KMO: variants seen among roughly 807,000 people sequenced by gnomAD.
The protein encoded by KMO is kynurenine 3-hydroxylase.
A neutral mutation model predicts 57.8 loss-of-function variants in KMO; 24 were observed. That is an observed-to-expected ratio of 0.42 (90% CI 0.30 to 0.58). The LOEUF is 0.58. Ranked by LOEUF, KMO falls within the 20% of genes least tolerant of loss-of-function variation. The pLI is 0.22. For missense variants in KMO, 483 were observed against 588.2 expected (o/e 0.82, Z 1.85); for synonymous variants, 210 against 193.6 (o/e 1.08, Z -0.70).
chr1:241,534,123 T>C (rs540685689), intron 1 of KMO, among the ~76,000 whole-genome samples: 2 of 152,306 alleles, frequency 1.3e-5, no homozygotes, highest in South Asian at 4.1e-4. Context: ...GGGAAACTAT[T>C]GGAGGATTTT....
Position 241,546,751 on chromosome 1 carries a change from T to C in KMO, c.55-2078T>C, listed in dbSNP as rs188017167. Among the ~76,000 whole-genome samples the C allele has an allele frequency of 5.3e-5, 8 of 152,330 alleles. No homozygotes were observed. The East Asian group carries it at 1.5e-3, about 29-fold the overall frequency. On this transcript the variant is annotated intron_variant, in intron 1 of 14. Coordinates refer to ENST00000366559, the MANE Select transcript of KMO (RefSeq NM_003679.5). ...ATCGCAAGTTTCAATTCGGATCTGTTGATTTTGAGGTGCTTTGAGACATAC... is the reference window on the plus strand; with the variant it reads ...ATCGCAAGTTTCAATTCGGATCTGTCGATTTTGAGGTGCTTTGAGACATAC...
In KMO at chr1:241,592,796, A is replaced by ATCTATCTATCTCTCTC. The variant is rs1428611949; in HGVS notation, c.*646_*647insATCTATCTCTCTCTCT. 4 of 150,710 alleles carry ATCTATCTATCTCTCTC rather than the reference A, an allele frequency of 2.7e-5. No homozygotes were observed. Among genetic ancestry groups the ATCTATCTATCTCTCTC allele is most frequent in the African/African-American group, 1.0e-4 (4 of 40,106 alleles). 9.3% of individuals were successfully genotyped at this position (150,710 alleles called of 1,614,324 possible). On this transcript the variant is annotated 3_prime_UTR_variant, in exon 15 of 15. Coordinates refer to ENST00000366559, the MANE Select transcript of KMO (RefSeq NM_003679.5). ...TATCTATCTATCTATCTATCTATCT[A>ATCTATCTATCTCTCTC]TCTCTATTTATTTATGTATTTAGAG...
In KMO at chr1:241,532,380, G is replaced by A. The variant is rs1401278738; in HGVS notation, c.-65G>A. 1 of 1,610,300 alleles carries A rather than the reference G, an allele frequency of 6.2e-7. No homozygotes were observed. Among genetic ancestry groups the A allele is most frequent in the African/African-American group, 1.3e-5 (1 of 74,764 alleles). On this transcript the variant is annotated 5_prime_UTR_variant, in exon 1 of 15. Transcript: ENST00000366559. ...AACTCAGAGAAATCAGTGTGTAGGA[G>A]ACACAGAAATCAGTGTCACTCAGTG...
At chr1:241,554,270 CCTTCCTTCCTT>C (rs1553347345) in intron 4 of KMO, among the ~76,000 whole-genome samples, 1 of 150,582 alleles carries the variant, frequency 6.6e-6, no homozygotes, top group Non-Finnish European at 1.5e-5. Flanking sequence ...TTCCTTCCTT[CCTTCCTTCCTT>C]CCTCCCTTCT....
intron 7 of KMO, among the ~76,000 whole-genome samples, chr1:241,564,134 T>A (rs1429108848): frequency 6.6e-6 from 1 of 152,188 alleles, no homozygotes; most frequent in Non-Finnish European, 1.5e-5. Flanking sequence ...CAAATAACTA[T>A]GATACAGTGT....
At chr1:241,571,708 C>T (rs1662285386) in intron 10 of KMO, among the ~76,000 whole-genome samples, 2 of 151,894 alleles carry the variant, frequency 1.3e-5, no homozygotes, top group Non-Finnish European at 2.9e-5. Context: ...ATAATCTTTG[C>T]ATCTATGTTT....
chr1:241,586,667 T>C lies in KMO; in HGVS notation c.958-12T>C. 1 of 1,561,126 alleles carries C rather than the reference T, an allele frequency of 6.4e-7. No individual in the cohort carries two copies. The highest frequency in any genetic ancestry group is 1.9e-5 in the Admixed American group (1 of 53,808). On this transcript the variant is annotated splice_polypyrimidine_tract_variant and intron_variant, in intron 10 of 14. Transcript: ENST00000366559. ...TCTAGTTTCTTATTTCTCTTTTTTT[T>C]TCTTGTTTCAGGGCTTTGAAGACTG...
chr1:241,536,407 CA>C, intron 1 of KMO: 1 of 522,330 alleles, frequency 1.9e-6, no homozygotes, highest in Non-Finnish European at 2.5e-6. Context: ...CCTTAATCCA[CA>C]TCTGAATTCA....
At chr1:241,566,680 A>C in intron 9 of KMO, 68 bp downstream of exon 9, 1 of 1,555,216 alleles carries the variant, frequency 6.4e-7, no homozygotes, top group Non-Finnish European at 8.8e-7. Context: ...AAGGTTATGC[A>C]CCTGATTTCA....
At chr1:241,556,948 C>T (rs1661651549) in intron 5 of KMO, among the ~76,000 whole-genome samples, 1 of 151,792 alleles carries the variant, frequency 6.6e-6, no homozygotes, top group Non-Finnish European at 1.5e-5. Flanking sequence ...GATGAAAAGC[C>T]ATAGTGTGAA....
intron 10 of KMO, among the ~76,000 whole-genome samples, chr1:241,584,431 G>T (rs890386068): frequency 7.9e-5 from 12 of 152,210 alleles, no homozygotes; most frequent in African/African-American, 2.7e-4. Flanking sequence ...CATTGTGGAA[G>T]ACAGTGTGGC....
At position 241,548,903 on chromosome 1, in the gene KMO, G is replaced by A. The variant is rs768192954; in HGVS notation, c.124+5G>A. The A allele has an allele frequency of 5.8e-5, 92 of 1,596,760 alleles. 1 individual carries two copies. Among genetic ancestry groups the A allele is most frequent in the Middle Eastern group, 3.3e-4 (2 of 6,036 alleles). The stretch of plus-strand genomic sequence containing the variant: ...ATGTATATGAAGCTAGGGAAGGTAC[G>A]TCCATGGTGAAAAAAGCAGGATGAA... On this transcript the variant is annotated splice_donor_5th_base_variant and intron_variant, in intron 2 of 14. Transcript: ENST00000366559.
At position 241,590,273 on chromosome 1, in the gene KMO, G is replaced by C. The variant is rs1663208944; in HGVS notation, c.1260+10G>C. 1 of 1,601,410 alleles carries C rather than the reference G, an allele frequency of 6.2e-7. No homozygotes were observed. Among genetic ancestry groups the C allele is most frequent in the South Asian group, 1.1e-5 (1 of 90,744 alleles). ...GCATTGGCAAAAAAAGGTTGGAACA[G>C]TTACATTTTATTTATTTTTTAATGT... On this transcript the variant is annotated intron_variant, in intron 14 of 14. Coordinates refer to ENST00000366559, the MANE Select transcript of KMO (RefSeq NM_003679.5).
At chr1:241,541,978 A>T (rs1335899) in intron 1 of KMO, among the ~76,000 whole-genome samples, 1 of 151,520 alleles carries the variant, frequency 6.6e-6, no homozygotes, top group East Asian at 1.9e-4. Context: ...GTAGTTGACA[A>T]ATGTTTAATA....
chr1:241,593,141 T>C lies in KMO; in HGVS notation c.*988T>C, dbSNP rs1663380152. 3 of 231,400 alleles carry C rather than the reference T, an allele frequency of 1.3e-5. No homozygotes were observed. Among genetic ancestry groups the C allele is most frequent in the South Asian group, 5.5e-5 (1 of 18,118 alleles). The allele number at this position is 231,400 out of a possible 1,614,324, so 14.3% of individuals were successfully genotyped here. On this transcript the variant is annotated 3_prime_UTR_variant, in exon 15 of 15. Coordinates refer to ENST00000366559, the MANE Select transcript of KMO (RefSeq NM_003679.5). ...ATACTAAGTGAAGGACAGGAAAGGG[T>C]TTTATTCATAAATTAAATGTCTACA...
intron 9 of KMO, among the ~76,000 whole-genome samples, chr1:241,568,163 T>A (rs1433195575): frequency 6.6e-6 from 1 of 152,228 alleles, no homozygotes; most frequent in Non-Finnish European, 1.5e-5. Flanking sequence ...CAATTTTTTA[T>A]GGAAACCTAA....
intron 10 of KMO, among the ~76,000 whole-genome samples, chr1:241,583,710 T>A (rs1662850062): frequency 6.6e-6 from 1 of 152,196 alleles, no homozygotes; most frequent in South Asian, 2.1e-4. Context: ...GTATTCTTTT[T>A]TGTTGCATTA....
chr1:241,566,634 T>A (rs770761446), intron 9 of KMO, 22 bp downstream of exon 9: 7 of 1,612,674 alleles, frequency 4.3e-6, no homozygotes, highest in Non-Finnish European at 5.1e-6. Flanking sequence ...GATGTGCCTT[T>A]TGCTCCATTT....
chr1:241,560,110 C>A (rs537930022), intron 5 of KMO, among the ~76,000 whole-genome samples: 1 of 152,146 alleles, frequency 6.6e-6, no homozygotes, highest in Non-Finnish European at 1.5e-5. Context: ...CAGAAAATTA[C>A]GAAAATAATT....
Sources: gnomAD v4.1 joint callset for allele counts (sites outside exome capture counted in the v4.1 genomes callset) on GRCh38, gnomAD v4.1.1 for gene constraint, MANE v1.5 for transcripts, NCBI Gene and HGNC (gene_info 2026-07-23, HGNC 2026-07-21) for gene names.